Variants in ATRNL1 observed in about 807,000 individuals in gnomAD.
The protein encoded by ATRNL1 is attractin like 1, also known as attractin-like protein 1.
In ATRNL1, 95 loss-of-function variants were observed where a neutral mutation model predicts 182.7. The observed-to-expected ratio is 0.52, with a 90% CI of 0.44 to 0.62. ATRNL1 has a LOEUF of 0.62. ATRNL1 is among the 20% of genes least tolerant of loss of function. The pLI is 0.00. For synonymous variants in ATRNL1, 576 were observed against 568.3 expected (o/e 1.01, Z -0.19); for missense variants, 1,471 against 1,679.5 (o/e 0.88, Z 2.17).
intron 27 of ATRNL1, among the ~76,000 whole-genome samples, chr10:115,823,115 G>C (rs1423150411): frequency 2.6e-5 from 4 of 152,172 alleles, no homozygotes; most frequent in Admixed American, 6.5e-5. Flanking sequence ...TGGGCTGCAA[G>C]TCTGGTTCAA....
intron 27 of ATRNL1, among the ~76,000 whole-genome samples, chr10:115,795,736 A>G (rs987908383): frequency 2.0e-5 from 3 of 152,080 alleles, no homozygotes; most frequent in African/African-American, 7.2e-5. Flanking sequence ...ATCTCTTGCA[A>G]ACTCTATCAT....
chr10:115,940,689 CTCTCTCTCT>C (rs1465564561), intron 28 of ATRNL1, among the ~76,000 whole-genome samples: 35 of 59,516 alleles, frequency 5.9e-4, no homozygotes, highest in African/African-American at 3.7e-3. Flanking sequence ...CTCTCTCTCT[CTCTCTCTCT>C]TCTCTCTCTC....
intron 10 of ATRNL1, among the ~76,000 whole-genome samples, chr10:115,262,387 A>T (rs1304210209): frequency 6.6e-6 from 1 of 152,036 alleles, no homozygotes. Flanking sequence ...TATATGGGAA[A>T]AATTAAGTTT....
In ATRNL1 at chr10:115,135,641, A is replaced by T. The variant is rs958041954; in HGVS notation, c.829+6106A>T. ...TAATTTATAGATCAGTGCCATCCCC[A>T]TGAAGCTACCAATGAGTTTCTTCAC... On this transcript the variant is annotated intron_variant, in intron 5 of 28. Transcript: ENST00000355044. Among the ~76,000 whole-genome samples, 158 of 152,206 alleles carry T rather than the reference A, an allele frequency of 1.0e-3. 3 individuals carry two copies. Among genetic ancestry groups the T allele is most frequent in the Non-Finnish European group, 2.8e-4 (19 of 68,038 alleles).
At chr10:115,745,117 T>A (rs1382976305) in intron 27 of ATRNL1, among the ~76,000 whole-genome samples, 1 of 151,506 alleles carries the variant, frequency 6.6e-6, no homozygotes, top group African/African-American at 2.4e-5. Context: ...TCCCAGAACA[T>A]CATGAAAATG....
chr10:115,625,161 A>T lies in ATRNL1; in HGVS notation c.3795+75625A>T, dbSNP rs191843494. 1.8e-4 allele frequency among the ~76,000 whole-genome samples: 27 copies of T among 152,298 alleles called. 1 individual carries two copies. Among genetic ancestry groups the T allele is most frequent in the Admixed American group, 1.7e-3 (26 of 15,304 alleles). On this transcript the variant is annotated intron_variant, in intron 26 of 28. Coordinates refer to ENST00000355044, the MANE Select transcript of ATRNL1 (RefSeq NM_207303.4). Reference sequence around the variant, plus strand: ...ATTTGATACTTTACAGTGTTAGTGGATGCTGCCTTTAATAAGGAAAATATA... The same window carrying T: ...ATTTGATACTTTACAGTGTTAGTGGTTGCTGCCTTTAATAAGGAAAATATA...
chr10:115,419,426 C>T (rs1845553431), intron 20 of ATRNL1, among the ~76,000 whole-genome samples: 1 of 152,126 alleles, frequency 6.6e-6, no homozygotes, highest in African/African-American at 2.4e-5. Flanking sequence ...TCATCCCTTA[C>T]CTATCAATAA....
chr10:115,485,756 T>A (rs937466075), intron 24 of ATRNL1, among the ~76,000 whole-genome samples: 1 of 152,142 alleles, frequency 6.6e-6, no homozygotes, highest in South Asian at 2.1e-4. Context: ...TTTCTTTTTT[T>A]ATTATACTTT....
At chr10:115,416,238 C>T (rs782301931) in intron 20 of ATRNL1, among the ~76,000 whole-genome samples, 16 of 151,998 alleles carry the variant, frequency 1.1e-4, no homozygotes, top group Non-Finnish European at 1.8e-4. Flanking sequence ...GAGTTTCATA[C>T]CCAAAATCAT....
At chr10:115,444,818 G>T (rs911587032) in intron 21 of ATRNL1, among the ~76,000 whole-genome samples, 1 of 151,760 alleles carries the variant, frequency 6.6e-6, no homozygotes, top group Non-Finnish European at 1.5e-5. Flanking sequence ...TGCAACTTCC[G>T]CCTCTCGGGT....
At chr10:115,642,895 A>G (rs1366201626) in intron 26 of ATRNL1, among the ~76,000 whole-genome samples, 1 of 152,190 alleles carries the variant, frequency 6.6e-6, no homozygotes, top group East Asian at 1.9e-4. Context: ...AGTGGCTCTC[A>G]ACAGAGGACT....
chr10:115,499,088 A>C (rs1249790372), intron 24 of ATRNL1, among the ~76,000 whole-genome samples: 9 of 152,176 alleles, frequency 5.9e-5, no homozygotes, highest in African/African-American at 1.9e-4. Context: ...GAGAATCTTC[A>C]AGAAATCTCA....
intron 27 of ATRNL1, among the ~76,000 whole-genome samples, chr10:115,777,298 A>T (rs934859550): frequency 6.6e-6 from 1 of 152,206 alleles, no homozygotes; most frequent in African/African-American, 2.4e-5. Flanking sequence ...TACTAGTTTT[A>T]TATTTACTAG....
intron 20 of ATRNL1, among the ~76,000 whole-genome samples, chr10:115,411,703 A>T (rs11197205): frequency 5.9e-5 from 9 of 152,018 alleles, no homozygotes; most frequent in Non-Finnish European, 1.3e-4. Context: ...GTTGTAAAGT[A>T]TCAATTTGTT....
At chr10:115,266,490 T>G (rs1851614531) in intron 11 of ATRNL1, among the ~76,000 whole-genome samples, 1 of 151,634 alleles carries the variant, frequency 6.6e-6, no homozygotes, top group Admixed American at 6.6e-5. Context: ...ATATAATCAT[T>G]GTTTCTTTTC....
intron 26 of ATRNL1, among the ~76,000 whole-genome samples, chr10:115,650,010 CTA>C (rs1859883622): frequency 6.6e-6 from 1 of 152,058 alleles, no homozygotes; most frequent in African/African-American, 2.4e-5. Flanking sequence ...CCTGAATTAT[CTA>C]TGTTTCTTTA....
chr10:115,511,138 A>G (rs1283991241), intron 24 of ATRNL1, among the ~76,000 whole-genome samples: 1 of 151,860 alleles, frequency 6.6e-6, no homozygotes, highest in Non-Finnish European at 1.5e-5. Context: ...GTCTTTTACA[A>G]TTGTCTATTT....
At chr10:115,515,556 A>G (rs1850595396) in intron 24 of ATRNL1, among the ~76,000 whole-genome samples, 1 of 151,800 alleles carries the variant, frequency 6.6e-6, no homozygotes, top group South Asian at 2.1e-4. Context: ...TTAGATTTTT[A>G]AAATACTTTC....
At chr10:115,586,462 C>T (rs1855508929) in intron 26 of ATRNL1, among the ~76,000 whole-genome samples, 2 of 105,168 alleles carry the variant, frequency 1.9e-5, no homozygotes, top group Admixed American at 1.2e-4. Flanking sequence ...TCTTTTTATT[C>T]TTTTTTCTCT....
Sources: gnomAD v4.1 joint callset for allele counts (sites outside exome capture counted in the v4.1 genomes callset) on GRCh38, gnomAD v4.1.1 for gene constraint, MANE v1.5 for transcripts, NCBI Gene and HGNC (gene_info 2026-07-23, HGNC 2026-07-21) for gene names.